The following GPI variants were observed in gnomAD, a reference collection of about 807,000 sequenced individuals.
GPI encodes the protein glucose-6-phosphate isomerase.
In GPI, 56 loss-of-function variants were observed where a neutral mutation model predicts 75.8. The observed-to-expected ratio is 0.74, with a 90% confidence interval of 0.60 to 0.92. The LOEUF (loss-of-function observed/expected upper bound fraction) is 0.92. Ranked by LOEUF, GPI falls within the 40% of genes least tolerant of loss-of-function variation. The pLI, the probability that GPI is intolerant of heterozygous loss-of-function variation, is 0.00. For synonymous variants in GPI, 288 were observed against 285.4 expected, an observed-to-expected ratio of 1.01 and a Z score of -0.09; for missense variants, 638 against 741.0, an observed-to-expected ratio of 0.86 and a Z score of 1.61.
chr19:34,399,363 G>A (rs1314753936), intron 15 of GPI, 28 bp downstream of exon 15: 2 of 1,613,774 alleles, frequency 1.2e-6, no homozygotes, highest in East Asian at 2.2e-5. Context: ...TGGCTTTGGG[G>A]TGCATGCTGG....
At chr19:34,364,399 T>TTTA (rs2074323914), upstream of GPI, among the ~76,000 whole-genome samples, 1 of 151,206 alleles carries the variant, frequency 6.6e-6, no homozygotes, top group African/African-American at 2.4e-5. Context: ...TTTTTTTTTT[T>TTTA]GAGATGGAGT....
intron 9 of GPI, among the ~76,000 whole-genome samples, chr19:34,388,425 A>G (rs542330021): frequency 6.6e-6 from 1 of 152,220 alleles, no homozygotes; most frequent in South Asian, 2.1e-4. Context: ...CAGTGAGCTG[A>G]GATCATGCCA....
chr19:34,369,811 A>G (rs10402604), intron 4 of GPI, among the ~76,000 whole-genome samples: 47,028 of 151,688 alleles, frequency 0.31, 9,790 homozygotes, highest in African/African-American at 0.59. Context: ...TCTATTCCCA[A>G]CTATTCAGGA....
intron 9 of GPI, among the ~76,000 whole-genome samples, chr19:34,384,448 G>C (rs1455618377): frequency 6.6e-6 from 1 of 152,178 alleles, no homozygotes; most frequent in Admixed American, 6.5e-5. Context: ...TGTTAAGCAT[G>C]GTGGGTAGAG....
chr19:34,397,642 C>T (rs1222897208), intron 14 of GPI: 1 of 151,786 alleles, frequency 6.6e-6, no homozygotes, highest in African/African-American at 2.4e-5. Flanking sequence ...CAGGCACTTA[C>T]AGGCACTTAC....
intron 4 of GPI, 121 bp from the exon 5 acceptor site, chr19:34,377,382 G>C (rs2074562574): frequency 4.4e-6 from 2 of 458,576 alleles, no homozygotes; most frequent in Admixed American, 3.8e-5. Context: ...CAAAAAAATA[G>C]AGGCACCTGC....
At chr19:34,372,970 C>T (rs2074477844) in intron 4 of GPI, among the ~76,000 whole-genome samples, 1 of 152,050 alleles carries the variant, frequency 6.6e-6, no homozygotes, top group Admixed American at 6.6e-5. Context: ...GATGGAGTTT[C>T]ACCATGTTGG....
intron 9 of GPI, among the ~76,000 whole-genome samples, chr19:34,390,967 G>A (rs966070460): frequency 1.3e-5 from 2 of 148,520 alleles, no homozygotes; most frequent in Non-Finnish European, 3.0e-5. Flanking sequence ...CAGGTATGAG[G>A]ATCTGGGTCT....
upstream of GPI, chr19:34,365,112 G>A (rs2074334829): frequency 7.2e-7 from 1 of 1,384,918 alleles, no homozygotes; most frequent in East Asian, 3.1e-5. Flanking sequence ...CGGGTCGGGG[G>A]CGGGGCCGGG....
At chr19:34,387,924 C>A (rs2074762456) in intron 9 of GPI, among the ~76,000 whole-genome samples, 1 of 152,072 alleles carries the variant, frequency 6.6e-6, no homozygotes, top group South Asian at 2.1e-4. Flanking sequence ...TAGGGTCAGA[C>A]ACAATTAGGT....
At chr19:34,365,536 C>T in intron 1 of GPI, 148 bp downstream of exon 1, 1 of 1,302,330 alleles carries the variant, frequency 7.7e-7, no homozygotes, top group Non-Finnish European at 1.1e-6. Context: ...CGAGTCCGCA[C>T]TTCGTCCTTG....
At chr19:34,390,909 G>C (rs1298662129) in intron 9 of GPI, among the ~76,000 whole-genome samples, 2 of 145,124 alleles carry the variant, frequency 1.4e-5, no homozygotes, top group East Asian at 4.3e-4. Context: ...ACCTGGCACA[G>C]GTATGAGGAT....
chr19:34,372,815 C>T (rs886470296), intron 4 of GPI, among the ~76,000 whole-genome samples: 4 of 151,994 alleles, frequency 2.6e-5, no homozygotes, highest in Non-Finnish European at 4.4e-5. Context: ...TCTCTTTCAC[C>T]CAGGCTGGAG....
upstream of GPI, among the ~76,000 whole-genome samples, chr19:34,362,113 C>CAAAA (rs71165651): frequency 1.3e-5 from 1 of 79,662 alleles, no homozygotes; most frequent in Non-Finnish European, 2.5e-5. Context: ...GACTCCATCT[C>CAAAA]AAAAAAAAAA....
At chr19:34,379,984 G>GT (rs1316397558) in intron 8 of GPI, 70 of 145,102 alleles carry the variant, frequency 4.8e-4, no homozygotes, top group Middle Eastern at 5.9e-3. Context: ...TAGTGTGTGT[G>GT]GTTTTGTTTT....
intron 9 of GPI, 70 bp downstream of exon 9, chr19:34,381,589 A>T (rs1011820982): frequency 3.9e-6 from 4 of 1,033,778 alleles, no homozygotes; most frequent in African/African-American, 3.1e-5. Context: ...TGAGAGGCCC[A>T]TGAGGTCAGG....
At chr19:34,383,252 A>G (rs891350073) in intron 9 of GPI, among the ~76,000 whole-genome samples, 3 of 152,208 alleles carry the variant, frequency 2.0e-5, no homozygotes, top group Admixed American at 6.5e-5. Context: ...GAGCCAGAGC[A>G]GGTCCAGGTG....
At chr19:34,367,152 C>T in intron 3 of GPI, 3 of 505,930 alleles carry the variant, frequency 5.9e-6, no homozygotes, top group Non-Finnish European at 7.3e-6. Flanking sequence ...TCTAATATAT[C>T]CTCAATGCAA....
In GPI at chr19:34,401,982, T is replaced by TTATTTTTA. The variant is rs1210995566; in HGVS notation, c.*1946_*1947insTATTTTTA. On this transcript the variant is annotated 3_prime_UTR_variant, in exon 18 of 18. Transcript: ENST00000356487. ...CCGCCACCACACCCGGCTAATTTTT[T>TTATTTTTA]GTATTTTTAGTAGAGACGGGGTTTC... The TTATTTTTA allele has an allele frequency of 7.9e-5, 12 of 151,992 alleles. No homozygotes were observed. Among genetic ancestry groups the TTATTTTTA allele is most frequent in the African/African-American group, 2.9e-4 (12 of 41,378 alleles). 9.4% of individuals were successfully genotyped at this position (151,992 alleles called of 1,614,324 possible).
Sources: gnomAD v4.1 joint callset for allele counts (sites outside exome capture counted in the v4.1 genomes callset) on GRCh38, gnomAD v4.1.1 for gene constraint, MANE v1.5 for transcripts, NCBI Gene and HGNC (gene_info 2026-07-23, HGNC 2026-07-21) for gene names.